MAP7: variants seen among roughly 807,000 people sequenced by gnomAD.
MAP7 encodes microtubule associated protein 7.
In MAP7, 52 loss-of-function variants were observed where a neutral mutation model predicts 94.8. That is an observed-to-expected ratio of 0.55 (90% CI 0.44 to 0.69). MAP7 has a LOEUF of 0.69. Among genes scored for constraint, MAP7 ranks in the 30% least tolerant of loss-of-function variants. MAP7 has a pLI of 0.00. For synonymous variants in MAP7, 350 were observed against 357.0 expected, an observed-to-expected ratio of 0.98 and a Z score of 0.22; for missense variants, 940 against 964.6, an observed-to-expected ratio of 0.97 and a Z score of 0.34.
At chr6:136,447,906 T>C (rs974615651) in intron 1 of MAP7, among the ~76,000 whole-genome samples, 3 of 152,186 alleles carry the variant, frequency 2.0e-5, no homozygotes, top group Non-Finnish European at 4.4e-5. Context: ...AAATTTAAAA[T>C]GAAGGCTGGG....
intron 1 of MAP7, among the ~76,000 whole-genome samples, chr6:136,508,794 A>C (rs3799451): frequency 0.12 from 18,464 of 152,244 alleles, 1,260 homozygotes; most frequent in East Asian, 0.15. Flanking sequence ...AGAAACTGAA[A>C]TAGGAAATTT....
At chr6:136,460,117 A>G (rs1804688682) in intron 1 of MAP7, among the ~76,000 whole-genome samples, 1 of 152,218 alleles carries the variant, frequency 6.6e-6, no homozygotes, top group Admixed American at 6.5e-5. Flanking sequence ...ACCTAAAGAC[A>G]TCCATTAAAG....
Position 136,372,637 on chromosome 6 carries a change from CA to C in MAP7, c.752-13del. 1 of 1,614,054 alleles carries C rather than the reference CA, an allele frequency of 6.2e-7. No homozygotes were observed. Among genetic ancestry groups the C allele is most frequent in the Non-Finnish European group, 8.5e-7 (1 of 1,179,998 alleles). On this transcript the variant is annotated splice_polypyrimidine_tract_variant and intron_variant, in intron 7 of 17. Coordinates refer to ENST00000354570, the MANE Select transcript of MAP7 (RefSeq NM_003980.6). Reference sequence around the variant, plus strand: ...GGGGCTGCAAGATGCTGAACGAGGACAAATGGGGATAACTAGGGTGCAGGTG... The same window carrying C: ...GGGGCTGCAAGATGCTGAACGAGGACAATGGGGATAACTAGGGTGCAGGTG...
chr6:136,455,200 A>G lies in MAP7; in HGVS notation c.68-33401T>C, dbSNP rs551727793. 2.0e-5 allele frequency among the ~76,000 whole-genome samples: 3 copies of G among 152,192 alleles called. No homozygotes were observed. The East Asian group carries it at 5.8e-4, about 29-fold the overall frequency. On this transcript the variant is annotated intron_variant, in intron 1 of 17. Coordinates refer to ENST00000354570, the MANE Select transcript of MAP7 (RefSeq NM_003980.6). Reference sequence around the variant, plus strand: ...AAAACTCTAGAAATATGAGTAGTAGACAGGTAAAAACAGCAATATGTGAAT... The same window carrying G: ...AAAACTCTAGAAATATGAGTAGTAGGCAGGTAAAAACAGCAATATGTGAAT...
intron 2 of MAP7, among the ~76,000 whole-genome samples, chr6:136,415,254 A>C (rs1788996577): frequency 6.6e-6 from 1 of 152,194 alleles, no homozygotes; most frequent in Admixed American, 6.5e-5. Context: ...CAGCCTCATA[A>C]AAACTTTTAT....
chr6:136,465,827 G>T, intron 1 of MAP7, among the ~76,000 whole-genome samples: 1 of 152,130 alleles, frequency 6.6e-6, no homozygotes, highest in Non-Finnish European at 1.5e-5. Flanking sequence ...ATACTGGCAA[G>T]TATATACCTC....
intron 1 of MAP7, among the ~76,000 whole-genome samples, chr6:136,473,166 G>A (rs760348507): frequency 2.0e-5 from 3 of 152,080 alleles, no homozygotes; most frequent in Non-Finnish European, 2.9e-5. Flanking sequence ...CCTCTCTAAA[G>A]TACATCTCAA....
Position 136,421,727 on chromosome 6 carries a change from T to C in MAP7, c.140A>G (p.Asn47Ser). 6.2e-7 allele frequency: 1 copy of C among 1,614,098 alleles called. No individual in the cohort carries two copies. Among genetic ancestry groups the C allele is most frequent in the Non-Finnish European group, 8.5e-7 (1 of 1,179,978 alleles). ...TGGTTTATTTCCTGAGTGGTTGTTATTTTGTCCTGAAATTGCAGAGGCAGG... is the reference window on the plus strand; with the variant it reads ...TGGTTTATTTCCTGAGTGGTTGTTACTTTGTCCTGAAATTGCAGAGGCAGG... ...SRPASAISGQ[N>S]NNHSGNKPDP... is the part of the protein sequence containing the mutation. The change falls in exon 2 of 18, where the codon AAT becomes AGT. Residue 47 changes from asparagine (N) to serine (S), a missense_variant. Physicochemically the swap from Asn to Ser is conservative, Grantham distance 46 (BLOSUM62 1). Coordinates refer to ENST00000354570, the MANE Select transcript of MAP7 (RefSeq NM_003980.6).
intron 1 of MAP7, among the ~76,000 whole-genome samples, chr6:136,540,341 T>C (rs753589088): frequency 6.6e-6 from 1 of 152,180 alleles, no homozygotes; most frequent in African/African-American, 2.4e-5. Flanking sequence ...TGTAATTTTC[T>C]ACAAAATACT....
Position 136,365,918 on chromosome 6 carries a change from G to A in MAP7, c.1090C>T (p.Pro364Ser). 1 of 1,614,150 alleles carries A rather than the reference G, an allele frequency of 6.2e-7. No individual in the cohort carries two copies. Among genetic ancestry groups the A allele is most frequent in the Non-Finnish European group, 8.5e-7 (1 of 1,180,038 alleles). Residue 364 changes from proline to serine, a missense_variant, in exon 10 of 18, where the codon CCA becomes TCA. Transcript: ENST00000354570. Reference sequence around the variant, plus strand: ...ACAGGGCGGATGTTGCCGGGGGATGGGGGCCGGACCTGAGCAGGAGCAGCT... The same window carrying A: ...ACAGGGCGGATGTTGCCGGGGGATGAGGGCCGGACCTGAGCAGGAGCAGCT... The part of the protein sequence containing the change: ...VKAAPAQVRP[P>S]SPGNIRPVKR...
chr6:136,391,407 CG>C (rs1392768866), intron 3 of MAP7, among the ~76,000 whole-genome samples: 3 of 85,238 alleles, frequency 3.5e-5, no homozygotes, highest in Non-Finnish European at 7.0e-5. Context: ...GTGGTGGGGT[CG>C]GGGGAGGGGG....
At chr6:136,489,783 C>A (rs1815988009) in intron 1 of MAP7, among the ~76,000 whole-genome samples, 1 of 151,984 alleles carries the variant, frequency 6.6e-6, no homozygotes, top group Non-Finnish European at 1.5e-5. Flanking sequence ...CCCACCTTGG[C>A]CTCCTAAAGT....
At chr6:136,526,043 AG>A in intron 1 of MAP7, 1 of 1,451,800 alleles carries the variant, frequency 6.9e-7, no homozygotes, top group Non-Finnish European at 9.0e-7. Context: ...GCTCCCAGGA[AG>A]CTGCTAGTTC....
chr6:136,369,250 G>C (rs1257241244), intron 8 of MAP7, among the ~76,000 whole-genome samples: 1 of 152,176 alleles, frequency 6.6e-6, no homozygotes, highest in East Asian at 1.9e-4. Flanking sequence ...ACAGTGATCA[G>C]TACTGTGTGG....
chr6:136,350,335 C>T (rs781478470), intron 16 of MAP7, among the ~76,000 whole-genome samples: 8 of 152,114 alleles, frequency 5.3e-5, no homozygotes, highest in Admixed American at 2.0e-4. Flanking sequence ...TGGAATGCCT[C>T]ACTAAAAATA....
intron 9 of MAP7, 79 bp downstream of exon 9, chr6:136,366,248 G>C: frequency 4.1e-6 from 5 of 1,225,834 alleles, no homozygotes; most frequent in Non-Finnish European, 6.0e-6. Context: ...AGCATGAGAA[G>C]AACAGTTCAC....
intron 1 of MAP7, among the ~76,000 whole-genome samples, chr6:136,503,295 A>G (rs1820346073): frequency 6.6e-6 from 1 of 152,024 alleles, no homozygotes; most frequent in African/African-American, 2.4e-5. Flanking sequence ...ATGCTGAATG[A>G]CCAAAAGGAA....
At chr6:136,516,193 C>T (rs1202464472) in intron 1 of MAP7, among the ~76,000 whole-genome samples, 1 of 151,832 alleles carries the variant, frequency 6.6e-6, no homozygotes, top group Non-Finnish European at 1.5e-5. Flanking sequence ...CAAGGTCTCA[C>T]TCTGCTGCCT....
chr6:136,414,808 ATTTTT>A (rs550449278), intron 2 of MAP7, among the ~76,000 whole-genome samples: 1 of 123,304 alleles, frequency 8.1e-6, no homozygotes. Context: ...CAATCAGCTA[ATTTTT>A]TTTTTTTTTT....
Sources: allele counts gnomAD v4.1 joint callset (sites outside exome capture counted in the v4.1 genomes callset), GRCh38; gene constraint gnomAD v4.1.1; transcripts MANE v1.5; gene names NCBI Gene and HGNC (gene_info 2026-07-23, HGNC 2026-07-21).